Variants in FAT1 observed in about 807,000 individuals in gnomAD.
FAT1 encodes FAT atypical cadherin 1.
A neutral mutation model predicts 329.8 loss-of-function variants in FAT1; 171 were observed. The observed-to-expected ratio is 0.52, with a 90% CI of 0.46 to 0.59. The LOEUF is 0.59. FAT1 is among the 20% of genes least tolerant of loss of function. The pLI is 0.00. For synonymous variants in FAT1, 2,233 were observed against 2,228.6 expected (o/e 1.00, Z -0.06); for missense variants, 5,672 against 5,774.4 (o/e 0.98, Z 0.57).
In FAT1 at chr4:186,609,331, C is replaced by G; in HGVS notation, c.10069-11G>C. On this transcript the variant is annotated splice_polypyrimidine_tract_variant and intron_variant, in intron 15 of 26. Transcript: ENST00000441802. ...ATCATCGGCCATAACCTAGAACACA[C>G]CACACTCCTGTTTAGGAGACAGCTA... 4 of 1,612,330 alleles carry G rather than the reference C, an allele frequency of 2.5e-6. No homozygotes were observed. Among genetic ancestry groups the G allele is most frequent in the Non-Finnish European group, 3.4e-6 (4 of 1,179,306 alleles).
chr4:186,697,455 T>C (rs755875447), intron 2 of FAT1, among the ~76,000 whole-genome samples: 1 of 152,236 alleles, frequency 6.6e-6, no homozygotes, highest in Non-Finnish European at 1.5e-5. Context: ...TCATTATATC[T>C]GTTTTATTTG....
At chr4:186,590,867 T>C (rs1738206974) in intron 26 of FAT1, among the ~76,000 whole-genome samples, 1 of 152,222 alleles carries the variant, frequency 6.6e-6, no homozygotes. Context: ...GAGGAATTCA[T>C]AGGCAAACTT....
Position 186,689,885 on chromosome 4 carries a change from T to C in FAT1, c.3265+16678A>G, listed in dbSNP as rs536869990. On this transcript the variant is annotated intron_variant, in intron 2 of 26. Transcript: ENST00000441802. ...TATCCAGAGGAAAATTAACACACCATGTGACTCTTTAAAAAGACTACCGCA... is the reference window on the plus strand; with the variant it reads ...TATCCAGAGGAAAATTAACACACCACGTGACTCTTTAAAAAGACTACCGCA... Among the ~76,000 whole-genome samples, 5 of 152,310 alleles carry C rather than the reference T, an allele frequency of 3.3e-5. No homozygotes were observed. The South Asian group carries it at 6.2e-4, about 19-fold the overall frequency.
At chr4:186,665,485 A>G (rs1442641174) in intron 2 of FAT1, among the ~76,000 whole-genome samples, 1 of 152,082 alleles carries the variant, frequency 6.6e-6, no homozygotes, top group Non-Finnish European at 1.5e-5. Context: ...TGGCTGCATA[A>G]ATGTCTTCTT....
chr4:186,630,618 G>T (rs190449664), intron 7 of FAT1, among the ~76,000 whole-genome samples: 1 of 152,146 alleles, frequency 6.6e-6, no homozygotes, highest in African/African-American at 2.4e-5. Flanking sequence ...GGCTTTCTGC[G>T]TGCTTACTGG....
At chr4:186,654,949 G>A (rs1741836311) in intron 3 of FAT1, among the ~76,000 whole-genome samples, 1 of 151,850 alleles carries the variant, frequency 6.6e-6, no homozygotes. Flanking sequence ...CACTCTACAG[G>A]ATGGAGGAAG....
In FAT1 at chr4:186,618,763, C is replaced by A. The variant is rs1336083461; in HGVS notation, c.7823G>T (p.Ser2608Ile). The A allele has an allele frequency of 1.2e-6, 2 of 1,614,042 alleles. No homozygotes were observed. Among genetic ancestry groups the A allele is most frequent in the Non-Finnish European group, 1.7e-6 (2 of 1,179,902 alleles). ...AACGACTGAAGTCCCTTTAGCAGCA[C>A]TGGACCCGATATTCACTTCGTATTT... ...ATKYEVNIGS[S>I]AAKGTSVVKV... Residue 2608 changes from serine (S) to isoleucine (I), a missense_variant, in exon 10 of 27, where the codon AGT becomes ATT. Transcript: ENST00000441802.
At chr4:186,724,188 A>G (rs558913836), upstream of FAT1, among the ~76,000 whole-genome samples, 880 of 144,934 alleles carry the variant, frequency 6.1e-3, 5 homozygotes, top group Non-Finnish European at 0.011. This position sits in a 1 kb window ranked among gnomAD's most constrained non-coding sequence, Gnocchi z 5.3. Flanking sequence ...TTAGCTAAAA[A>G]AAAAAAAAAA....
In FAT1 at chr4:186,706,656, C is replaced by G. The variant is rs756622643; in HGVS notation, c.3172G>C (p.Ala1058Pro). 4 of 1,613,872 alleles carry G rather than the reference C, an allele frequency of 2.5e-6. No individual in the cohort carries two copies. Among genetic ancestry groups the G allele is most frequent in the Non-Finnish European group, 3.4e-6 (4 of 1,179,892 alleles). ...TCTCTTCTGGCGTCCTCATCATGAG[C>G]CGACACCGTCATTACCAATGAACCA... ...PVGSLVMTVS[A>P]HDEDARRDGE... The change falls in exon 2 of 27, where the codon GCT becomes CCT. Residue 1058 changes from alanine (A) to proline (P), a missense_variant. By Grantham distance (27) the Ala-to-Pro change is conservative. This residue lies in a region of FAT1 where 3,966 missense variants were observed against 3,915.2 expected (regional missense o/e 1.01). Coordinates refer to ENST00000441802, the MANE Select transcript of FAT1 (RefSeq NM_005245.4).
chr4:186,633,283 A>G (rs1740672630), intron 7 of FAT1, among the ~76,000 whole-genome samples: 1 of 152,210 alleles, frequency 6.6e-6, no homozygotes, highest in Admixed American at 6.5e-5. Flanking sequence ...TTATATAGCC[A>G]GGAGGAATCC....
At chr4:186,661,981 C>T (rs1266809387) in intron 3 of FAT1, among the ~76,000 whole-genome samples, 1 of 151,990 alleles carries the variant, frequency 6.6e-6, no homozygotes, top group Non-Finnish European at 1.5e-5. Context: ...CCCAAGGTGT[C>T]CGCTGCTTGG....
At chr4:186,590,920 CTGTA>C (rs1422300913) in intron 26 of FAT1, among the ~76,000 whole-genome samples, 1 of 152,218 alleles carries the variant, frequency 6.6e-6, no homozygotes, top group Non-Finnish European at 1.5e-5. Context: ...TCTCTCCAAA[CTGTA>C]TGTATTTTGA....
chr4:186,638,199 AT>A, intron 4 of FAT1, among the ~76,000 whole-genome samples: 1 of 152,362 alleles, frequency 6.6e-6, no homozygotes, highest in Middle Eastern at 3.4e-3. Flanking sequence ...CTAATTATGT[AT>A]GTTGAAGGGA....
At chr4:186,635,643 A>T (rs1386573934) in intron 6 of FAT1, among the ~76,000 whole-genome samples, 1 of 152,084 alleles carries the variant, frequency 6.6e-6, no homozygotes, top group Admixed American at 6.5e-5. Context: ...TTCACTAAAA[A>T]TAACAATGTG....
chr4:186,643,717 A>T (rs1027314172), intron 3 of FAT1, among the ~76,000 whole-genome samples: 4 of 151,902 alleles, frequency 2.6e-5, no homozygotes, highest in Admixed American at 1.3e-4. Context: ...CTGGCCATAC[A>T]AGACAATCTA....
intron 2 of FAT1, among the ~76,000 whole-genome samples, chr4:186,689,508 G>A (rs1224351838): frequency 6.6e-6 from 1 of 152,034 alleles, no homozygotes; most frequent in Non-Finnish European, 1.5e-5. Context: ...ATTAACCAAA[G>A]CGAGAGAGAG....
At chr4:186,615,708 C>T (rs937307967) in intron 11 of FAT1, among the ~76,000 whole-genome samples, 1 of 152,190 alleles carries the variant, frequency 6.6e-6, no homozygotes, top group African/African-American at 2.4e-5. Flanking sequence ...TGGCACTGCA[C>T]TGGTGTCCTC....
Position 186,594,241 on chromosome 4 carries a change from A to G in FAT1, c.13138+1448T>C, listed in dbSNP as rs372728434. 4.9e-4 allele frequency among the ~76,000 whole-genome samples: 75 copies of G among 151,780 alleles called. No homozygotes were observed. The East Asian group carries it at 0.014, about 27-fold the overall frequency. ...CCACCACGCCCGGCTGATTTTTTTT[A>G]TATTTTTAGTAGAGACGGGGTTTCA... On this transcript the variant is annotated intron_variant, in intron 26 of 26. Coordinates refer to ENST00000441802, the MANE Select transcript of FAT1 (RefSeq NM_005245.4).
intron 3 of FAT1, among the ~76,000 whole-genome samples, chr4:186,662,207 T>C (rs555217568): frequency 7.3e-5 from 11 of 151,250 alleles, no homozygotes; most frequent in Admixed American, 7.2e-4. Context: ...GAGGCATACA[T>C]ACATTCTGGA....
Sources: gnomAD v4.1 joint callset for allele counts (sites outside exome capture counted in the v4.1 genomes callset) on GRCh38, gnomAD v4.1.1 for gene constraint, gnomAD v4.1.1 regional missense constraint, Gnocchi (gnomAD v3.1) non-coding constraint, MANE v1.5 for transcripts, NCBI Gene and HGNC (gene_info 2026-07-23, HGNC 2026-07-21) for gene names.